Variants in NAF1 observed in about 807,000 individuals in gnomAD.
NAF1 encodes nuclear assembly factor 1 ribonucleoprotein, also known as H/ACA ribonucleoprotein complex non-core subunit NAF1.
NAF1 carries 11 observed loss-of-function variants against 40.6 expected under a neutral mutation model. The observed-to-expected ratio is 0.27, with a 90% CI of 0.17 to 0.45. The LOEUF (loss-of-function observed/expected upper bound fraction) is 0.45, where lower values mean the gene tolerates loss of function less well. Ranked by LOEUF, NAF1 falls within the 20% of genes least tolerant of loss-of-function variation. The probability of loss-of-function intolerance (pLI) is 1.00; values close to 1 mark genes in which losing one functional copy is unlikely to be tolerated. For synonymous variants in NAF1, 260 were observed against 228.5 expected (o/e 1.14, Z -1.24); for missense variants, 607 against 611.1 (o/e 0.99, Z 0.07).
chr4:163,115,058 A>G (rs2110811518), intron 2 of NAF1, among the ~76,000 whole-genome samples: 1 of 152,254 alleles, frequency 6.6e-6, no homozygotes, highest in South Asian at 2.1e-4. Context: ...TAAAAATGTG[A>G]CAGTCAATTA....
In NAF1 at chr4:163,164,198, A is replaced by C. The variant is rs543481420; in HGVS notation, c.540+19T>G. 6.0e-6 allele frequency: 9 copies of C among 1,502,122 alleles called. No individual in the cohort carries two copies. The African/African-American group carries it at 1.3e-4, about 21-fold the overall frequency. 93.0% of individuals were successfully genotyped at this position (1,502,122 alleles called of 1,614,324 possible). A position where few individuals can be genotyped will look rare whatever the true frequency, so the allele number is the denominator to read the frequency against. ...GTTTTAAAACATGCAAACTAAGCTT[A>C]ATAAATCTAAGTACTTACATTAAGA... On this transcript the variant is annotated intron_variant, in intron 2 of 7. Transcript: ENST00000274054.
chr4:163,129,401 A>G, intron 7 of NAF1, 53 bp from the exon 8 acceptor site: 1 of 1,490,802 alleles, frequency 6.7e-7, no homozygotes, highest in East Asian at 2.3e-5. Flanking sequence ...TAATATATCA[A>G]AAAGCATTGT....
intron 7 of NAF1, among the ~76,000 whole-genome samples, chr4:163,130,049 C>T (rs1268181142): frequency 6.6e-6 from 1 of 152,186 alleles, no homozygotes; most frequent in Non-Finnish European, 1.5e-5. Flanking sequence ...AAGAGGAATA[C>T]CTAGACTTCA....
chr4:163,165,460 AGAT>A (rs1179350046), intron 1 of NAF1, among the ~76,000 whole-genome samples: 1 of 152,224 alleles, frequency 6.6e-6, no homozygotes, highest in African/African-American at 2.4e-5. Flanking sequence ...AAATCCCACA[AGAT>A]GATTATACTG....
chr4:163,159,552 T>G (rs1337084731), intron 2 of NAF1, among the ~76,000 whole-genome samples: 1 of 152,164 alleles, frequency 6.6e-6, no homozygotes, highest in Admixed American at 6.5e-5. Context: ...TCATATATGA[T>G]GGGAGATCAA....
Position 163,164,162 on chromosome 4 carries a change from T to C in NAF1, c.540+55A>G, listed in dbSNP as rs1013165450. On this transcript the variant is annotated intron_variant, in intron 2 of 7. Coordinates refer to ENST00000274054, the MANE Select transcript of NAF1 (RefSeq NM_138386.3). ...ATAGGCAAAATTAGATCAATACTGG[T>C]ACCAGAATACGTTTTAAAACATGCA... 11 of 1,426,180 alleles carry C rather than the reference T, an allele frequency of 7.7e-6. No individual in the cohort carries two copies. The African/African-American group carries it at 1.3e-4, about 17-fold the overall frequency. 88.3% of individuals were successfully genotyped at this position (1,426,180 alleles called of 1,614,324 possible).
chr4:163,115,442 C>T (rs546665683), intron 2 of NAF1, among the ~76,000 whole-genome samples: 2 of 151,892 alleles, frequency 1.3e-5, no homozygotes, highest in African/African-American at 4.8e-5. Flanking sequence ...GTGATCCACC[C>T]GCCTCGGCCT....
downstream of NAF1, among the ~76,000 whole-genome samples, chr4:163,123,219 A>C (rs1424526352): frequency 2.0e-5 from 3 of 152,178 alleles, no homozygotes; most frequent in African/African-American, 4.8e-5. Flanking sequence ...TCTTTTAAAC[A>C]ACAGCTCTTG....
chr4:163,105,576 T>TG (rs1730037910), downstream of NAF1, among the ~76,000 whole-genome samples: 1 of 152,236 alleles, frequency 6.6e-6, no homozygotes, highest in Non-Finnish European at 1.5e-5. Flanking sequence ...AAGACAGTCT[T>TG]TTATTATTGC....
At chr4:163,147,942 C>T (rs1182693349) in intron 3 of NAF1, among the ~76,000 whole-genome samples, 1 of 152,030 alleles carries the variant, frequency 6.6e-6, no homozygotes, top group Non-Finnish European at 1.5e-5. Flanking sequence ...AAGTAAGATT[C>T]TCCCCTAGTA....
intron 2 of NAF1, among the ~76,000 whole-genome samples, chr4:163,154,261 C>T (rs544556477): frequency 1.3e-5 from 2 of 152,272 alleles, no homozygotes; most frequent in South Asian, 4.1e-4. Flanking sequence ...CTGTGCATTC[C>T]TAAAAAAGGC....
At chr4:163,161,034 A>C (rs1732196925) in intron 2 of NAF1, among the ~76,000 whole-genome samples, 1 of 151,798 alleles carries the variant, frequency 6.6e-6, no homozygotes, top group African/African-American at 2.4e-5. Context: ...AAAAAAAAAA[A>C]AAAAAATCTA....
intron 4 of NAF1, among the ~76,000 whole-genome samples, chr4:163,142,314 T>C (rs1731293342): frequency 6.6e-6 from 1 of 152,232 alleles, no homozygotes; most frequent in South Asian, 2.1e-4. Context: ...TAAAAATATC[T>C]TTTAAGTTTC....
chr4:163,158,273 G>A (rs1183544181), intron 2 of NAF1: 2 of 152,058 alleles, frequency 1.3e-5, no homozygotes, highest in African/African-American at 4.8e-5. Context: ...TTGGAAAGTA[G>A]GATCCAATCC....
At chr4:163,136,334 AAAAAAAAAAAAC>A (rs1731054563) in intron 6 of NAF1, 2 of 141,916 alleles carry the variant, frequency 1.4e-5, no homozygotes, top group Non-Finnish European at 3.1e-5. Flanking sequence ...TATTTGTTAA[AAAAAAAAAAAAC>A]AAAAAAAAAA....
chr4:163,128,021 G>C (rs77861793), downstream of NAF1, among the ~76,000 whole-genome samples: 632 of 152,264 alleles, frequency 4.2e-3, 27 homozygotes, highest in East Asian at 0.058. Flanking sequence ...GAAAACTGGA[G>C]TATTTCAATG....
chr4:163,166,325 A>T lies in NAF1; in HGVS notation c.365+38T>A, dbSNP rs1018247598. ...CAGCCACCCCCGCCCGTCATACAAGACCTCTCCCCACAGCTCCGGGTCCCT... is the reference window on the plus strand; with the variant it reads ...CAGCCACCCCCGCCCGTCATACAAGTCCTCTCCCCACAGCTCCGGGTCCCT... On this transcript the variant is annotated intron_variant, in intron 1 of 7. Coordinates refer to ENST00000274054, the MANE Select transcript of NAF1 (RefSeq NM_138386.3). 3 of 1,533,520 alleles carry T rather than the reference A, an allele frequency of 2.0e-6. No homozygotes were observed. In the African/African-American group the frequency reaches 4.2e-5, roughly 21 times the overall value. 95.0% of individuals were successfully genotyped at this position (1,533,520 alleles called of 1,614,324 possible).
At chr4:163,108,183 C>T (rs1730080165), downstream of NAF1, among the ~76,000 whole-genome samples, 1 of 152,080 alleles carries the variant, frequency 6.6e-6, no homozygotes, top group African/African-American at 2.4e-5. Flanking sequence ...AATCACCTGG[C>T]CCTTGACCTT....
intron 2 of NAF1, among the ~76,000 whole-genome samples, chr4:163,160,437 A>T (rs1438746827): frequency 6.8e-6 from 1 of 147,272 alleles, no homozygotes; most frequent in African/African-American, 2.6e-5. Context: ...TTTAAAAATT[A>T]TATCTTTCTA....
Sources: allele counts gnomAD v4.1 joint callset (sites outside exome capture counted in the v4.1 genomes callset), GRCh38; gene constraint gnomAD v4.1.1; transcripts MANE v1.5; gene names NCBI Gene and HGNC (gene_info 2026-07-23, HGNC 2026-07-21).